RANBP2: variants seen among roughly 807,000 people sequenced by gnomAD.
The protein encoded by RANBP2 is E3 SUMO-protein ligase RanBP2.
Under a neutral mutation model 303.6 loss-of-function variants are expected in RANBP2, and 57 were observed. That is an observed-to-expected ratio of 0.19 (90% CI 0.15 to 0.23). The LOEUF (loss-of-function observed/expected upper bound fraction) is 0.23. RANBP2 is among the 10% of genes least tolerant of loss of function. The pLI is 1.00. For synonymous variants in RANBP2, 1,167 were observed against 1,301.5 expected, an observed-to-expected ratio of 0.90 and a Z score of 2.23; for missense variants, 3,138 against 3,780.8, an observed-to-expected ratio of 0.83 and a Z score of 4.46.
chr2:109,178,301 T>C, the RANBP2 span, among the ~76,000 whole-genome samples: 1 of 152,234 alleles, frequency 6.6e-6, no homozygotes, highest in Non-Finnish European at 1.5e-5. Flanking sequence ...TAGAGCTCTT[T>C]TATGAATGTT....
the RANBP2 span, among the ~76,000 whole-genome samples, chr2:109,001,298 A>T: frequency 2.6e-5 from 4 of 152,210 alleles, no homozygotes; most frequent in African/African-American, 9.6e-5. Flanking sequence ...AGCTCCTCCC[A>T]ATCAGCTATG....
At chr2:109,311,994 C>A in the RANBP2 span, among the ~76,000 whole-genome samples, 2 of 151,690 alleles carry the variant, frequency 1.3e-5, no homozygotes, top group Non-Finnish European at 2.9e-5. Context: ...AGGTCGGCTG[C>A]TGCTGGTGCT....
At chr2:109,063,520 C>T in the RANBP2 span, among the ~76,000 whole-genome samples, 2 of 152,184 alleles carry the variant, frequency 1.3e-5, no homozygotes, top group Non-Finnish European at 2.9e-5. Context: ...GCCAGAAACA[C>T]CTGCTGTCTG....
the RANBP2 span, among the ~76,000 whole-genome samples, chr2:109,323,045 A>G: frequency 2.0e-5 from 3 of 152,274 alleles, no homozygotes; most frequent in South Asian, 4.1e-4. Context: ...TCTCGTTGAA[A>G]TGTTTTATCA....
At chr2:108,858,361 C>CA in the RANBP2 span, among the ~76,000 whole-genome samples, 3,046 of 151,522 alleles carry the variant, frequency 0.02, 99 homozygotes, top group African/African-American at 0.07. Context: ...AACAAACAAA[C>CA]AAAAAAAACA....
the RANBP2 span, among the ~76,000 whole-genome samples, chr2:109,420,109 A>G: frequency 6.6e-6 from 1 of 152,232 alleles, no homozygotes; most frequent in African/African-American, 2.4e-5. Flanking sequence ...GCTGCATCTC[A>G]TCCCCAAATA....
the RANBP2 span, among the ~76,000 whole-genome samples, chr2:109,019,113 G>A: frequency 2.0e-5 from 3 of 152,240 alleles, no homozygotes; most frequent in African/African-American, 7.2e-5. Context: ...GAGGAGGCCC[G>A]GGTTCAAATG....
chr2:109,189,120 C>G, the RANBP2 span, among the ~76,000 whole-genome samples: 2 of 152,088 alleles, frequency 1.3e-5, no homozygotes, highest in Non-Finnish European at 1.5e-5. Context: ...CACTGCCTTG[C>G]TAGCAGAGGC....
chr2:109,564,498 C>T, the RANBP2 span: 26 of 1,556,658 alleles, frequency 1.7e-5, no homozygotes, highest in African/African-American at 1.8e-4. Context: ...GAGCATTTCC[C>T]GCAGCTTTAC....
chr2:108,926,486 G>A, the RANBP2 span, among the ~76,000 whole-genome samples: 119 of 152,276 alleles, frequency 7.8e-4, no homozygotes, highest in African/African-American at 2.5e-3. Context: ...CAGATTCCCA[G>A]ATGTTCATTT....
chr2:109,301,733 T>C, the RANBP2 span, among the ~76,000 whole-genome samples: 1 of 152,220 alleles, frequency 6.6e-6, no homozygotes, highest in African/African-American at 2.4e-5. Context: ...TTGATTCCCA[T>C]GTATTTGCTA....
the RANBP2 span, among the ~76,000 whole-genome samples, chr2:109,314,271 G>A: frequency 2.6e-5 from 4 of 152,204 alleles, no homozygotes; most frequent in African/African-American, 9.6e-5. Context: ...CTTGGCATAT[G>A]TTTTAGGAGA....
the RANBP2 span, among the ~76,000 whole-genome samples, chr2:109,257,323 A>G: frequency 6.9e-6 from 1 of 144,488 alleles, no homozygotes; most frequent in African/African-American, 2.7e-5. Flanking sequence ...AGAGGGAAGG[A>G]GGAATGAAGG....
the RANBP2 span, among the ~76,000 whole-genome samples, chr2:109,088,460 T>G: frequency 6.6e-6 from 1 of 150,770 alleles, no homozygotes; most frequent in Non-Finnish European, 1.5e-5. Flanking sequence ...GTAGTTAAAT[T>G]AATCACCTAG....
chr2:109,392,295 A>G, the RANBP2 span, among the ~76,000 whole-genome samples: 64 of 152,330 alleles, frequency 4.2e-4, no homozygotes, highest in South Asian at 1.9e-3. Context: ...AGCAGATTCA[A>G]TGAGACATCT....
the RANBP2 span, among the ~76,000 whole-genome samples, chr2:109,636,490 A>G: frequency 2.0e-3 from 304 of 152,314 alleles, 3 homozygotes; most frequent in African/African-American, 7.2e-3. Flanking sequence ...TACTCTTCAA[A>G]ATGCCAATAT....
chr2:109,439,117 T>C, the RANBP2 span, among the ~76,000 whole-genome samples: 1 of 152,130 alleles, frequency 6.6e-6, no homozygotes, highest in Non-Finnish European at 1.5e-5. Context: ...CTTCTCCCTC[T>C]GTGGAATAAC....
the RANBP2 span, among the ~76,000 whole-genome samples, chr2:108,904,632 G>GA: frequency 1.3e-5 from 2 of 152,340 alleles, no homozygotes; most frequent in Admixed American, 1.3e-4. Flanking sequence ...TACTCAGCAA[G>GA]AGAGAGGAAT....
chr2:109,296,034 G>C, the RANBP2 span, among the ~76,000 whole-genome samples: 1 of 152,098 alleles, frequency 6.6e-6, no homozygotes, highest in Non-Finnish European at 1.5e-5. Context: ...CTCTGAAGGT[G>C]CTGTAATGAA....
Sources: allele counts gnomAD v4.1 joint callset (sites outside exome capture counted in the v4.1 genomes callset), GRCh38; gene constraint gnomAD v4.1.1; transcripts MANE v1.5; gene names NCBI Gene and HGNC (gene_info 2026-07-23, HGNC 2026-07-21).